GPC6: variants seen among roughly 807,000 people sequenced by gnomAD.
The protein encoded by GPC6 is glypican 6.
Under a neutral mutation model 55.2 loss-of-function variants are expected in GPC6, and 14 were observed. The ratio of observed to expected loss-of-function variants is 0.25; its 90% CI spans 0.17 to 0.40. GPC6 has a LOEUF of 0.40. Among genes scored for constraint, GPC6 ranks in the 10% least tolerant of loss-of-function variants. GPC6 has a pLI of 1.00. For missense variants in GPC6, 641 were observed against 708.5 expected (o/e 0.90, Z 1.08); for synonymous variants, 278 against 259.6 (o/e 1.07, Z -0.68).
chr13:93,784,482 A>G (rs1278403525), intron 2 of GPC6, among the ~76,000 whole-genome samples: 7 of 152,186 alleles, frequency 4.6e-5, no homozygotes, highest in African/African-American at 1.4e-4. Flanking sequence ...CCTCAAAAAC[A>G]TGGATTTTAC....
At chr13:93,533,515 TGA>T (rs1047583265) in intron 1 of GPC6, among the ~76,000 whole-genome samples, 4 of 152,166 alleles carry the variant, frequency 2.6e-5, no homozygotes, top group African/African-American at 9.6e-5. Flanking sequence ...AATTCTAGGA[TGA>T]GAGAACTCTG....
intron 7 of GPC6, among the ~76,000 whole-genome samples, chr13:94,383,234 G>T (rs1224708185): frequency 2.6e-5 from 4 of 152,168 alleles, no homozygotes; most frequent in Non-Finnish European, 4.4e-5. Flanking sequence ...GTTGGGAGTT[G>T]GCAGGCAGGG....
chr13:93,933,753 A>G (rs558450410), intron 3 of GPC6, among the ~76,000 whole-genome samples: 18 of 152,298 alleles, frequency 1.2e-4, no homozygotes, highest in African/African-American at 4.1e-4. Context: ...CAAAATATAA[A>G]CTTTCTTAGT....
chr13:93,221,996 C>G (rs1020612503), upstream of GPC6, among the ~76,000 whole-genome samples: 6 of 141,272 alleles, frequency 4.2e-5, no homozygotes, highest in African/African-American at 1.6e-4. Context: ...ATGATAAATT[C>G]TGCTGTAGCT....
At chr13:93,539,594 T>C (rs1167367395) in intron 1 of GPC6, among the ~76,000 whole-genome samples, 1 of 152,138 alleles carries the variant, frequency 6.6e-6, no homozygotes, top group Non-Finnish European at 1.5e-5. Flanking sequence ...AATAAGGCAT[T>C]TCAATAAGTC....
intron 2 of GPC6, among the ~76,000 whole-genome samples, chr13:93,739,975 G>A (rs1877359702): frequency 6.6e-6 from 1 of 152,128 alleles, no homozygotes; most frequent in South Asian, 2.1e-4. Flanking sequence ...TTCATTGTAT[G>A]GGGCAGTCAG....
upstream of GPC6, chr13:93,226,565 CTCCA>C (rs1340841295): frequency 1.3e-5 from 2 of 152,200 alleles, no homozygotes; most frequent in African/African-American, 4.8e-5. Flanking sequence ...TATCCTTTAC[CTCCA>C]TAAAAATACA....
rs936991872 is a variant in GPC6, at chr13:94,116,692, C to T, written c.877+88798C>T. On this transcript the variant is annotated intron_variant, in intron 4 of 8. Transcript: ENST00000377047. ...CATTAGCGCTTACGTTTGTATTCTA[C>T]GATGGAGAATGAACTCATGGTCTTT... is the stretch of plus-strand genomic sequence containing the variant. 4.6e-5 allele frequency among the ~76,000 whole-genome samples: 7 copies of T among 152,154 alleles called. No individual in the cohort carries two copies. The South Asian group carries it at 1.0e-3, about 23-fold the overall frequency.
chr13:94,156,346 G>T (rs543744), intron 4 of GPC6, among the ~76,000 whole-genome samples: 84,603 of 151,898 alleles, frequency 0.56, 25,383 homozygotes, highest in Non-Finnish European at 0.67. Flanking sequence ...GATCTGAAAG[G>T]GGTAATGAAT....
intron 2 of GPC6, among the ~76,000 whole-genome samples, chr13:93,728,042 G>C (rs1364333631): frequency 6.6e-6 from 1 of 152,034 alleles, no homozygotes; most frequent in African/African-American, 2.4e-5. Context: ...TTTTGGTTTT[G>C]TTTTTAAACA....
intron 4 of GPC6, among the ~76,000 whole-genome samples, chr13:94,083,339 C>T (rs767292252): frequency 1.2e-4 from 19 of 152,128 alleles, no homozygotes; most frequent in Non-Finnish European, 1.8e-4. Flanking sequence ...AGGATGGTCT[C>T]GATCTCCTGA....
chr13:93,907,351 T>C (rs1039670821), intron 3 of GPC6, among the ~76,000 whole-genome samples: 1 of 152,194 alleles, frequency 6.6e-6, no homozygotes, highest in African/African-American at 2.4e-5. Context: ...CCATTTTCAA[T>C]GGGATACATT....
chr13:93,991,352 A>G (rs1395376948), intron 3 of GPC6, among the ~76,000 whole-genome samples: 1 of 152,194 alleles, frequency 6.6e-6, no homozygotes, highest in African/African-American at 2.4e-5. Context: ...TTTATTATGT[A>G]TGAGGTCACT....
chr13:94,060,840 C>T (rs1052741101), intron 4 of GPC6, among the ~76,000 whole-genome samples: 2 of 152,130 alleles, frequency 1.3e-5, no homozygotes, highest in Admixed American at 6.5e-5. Context: ...ATTTGCCAAA[C>T]CGTCTGATTA....
intron 4 of GPC6, among the ~76,000 whole-genome samples, chr13:94,096,292 T>C (rs1357631497): frequency 6.7e-6 from 1 of 150,166 alleles, no homozygotes; most frequent in Non-Finnish European, 1.5e-5. Context: ...TGCCGTGGAA[T>C]CAGAAATTTA....
At chr13:93,901,896 A>G (rs918009251) in intron 3 of GPC6, among the ~76,000 whole-genome samples, 9 of 130,636 alleles carry the variant, frequency 6.9e-5, no homozygotes, top group African/African-American at 2.5e-4. Context: ...GTGAGATTCC[A>G]TTAAAAAAAA....
chr13:93,225,296 T>A (rs1875732477), upstream of GPC6, among the ~76,000 whole-genome samples: 1 of 152,212 alleles, frequency 6.6e-6, no homozygotes, highest in South Asian at 2.1e-4. Context: ...CCTGAGCCTA[T>A]CAACCTCACC....
intron 1 of GPC6, among the ~76,000 whole-genome samples, chr13:93,409,651 GAAGA>G (rs1379776776): frequency 6.6e-6 from 1 of 152,184 alleles, no homozygotes; most frequent in Non-Finnish European, 1.5e-5. Context: ...AATCTCAAAA[GAAGA>G]AAATAATATT....
intron 4 of GPC6, among the ~76,000 whole-genome samples, chr13:94,109,628 A>C (rs1413416397): frequency 2.0e-5 from 3 of 152,174 alleles, no homozygotes; most frequent in African/African-American, 7.2e-5. Flanking sequence ...AGGGTCTGCT[A>C]TTCAGTTACA....
Sources: gnomAD v4.1 joint callset for allele counts (sites outside exome capture counted in the v4.1 genomes callset) on GRCh38, gnomAD v4.1.1 for gene constraint, MANE v1.5 for transcripts, NCBI Gene and HGNC (gene_info 2026-07-23, HGNC 2026-07-21) for gene names.